The following NKTR variants were observed in gnomAD, a reference collection of about 807,000 sequenced individuals.
The protein encoded by NKTR is natural killer cell triggering receptor.
NKTR carries 67 observed loss-of-function variants against 156.3 expected under a neutral mutation model. The ratio of observed to expected loss-of-function variants is 0.43; its 90% CI spans 0.35 to 0.53. NKTR has a LOEUF of 0.53. Ranked by LOEUF, NKTR falls within the 20% of genes least tolerant of loss-of-function variation. The probability of loss-of-function intolerance (pLI) is 0.01; values close to 1 mark genes in which losing one functional copy is unlikely to be tolerated. For missense variants in NKTR, 1,604 were observed against 1,730.9 expected, an observed-to-expected ratio of 0.93 and a Z score of 1.30; for synonymous variants, 640 against 596.6, an observed-to-expected ratio of 1.07 and a Z score of -1.06.
chr3:42,613,980 G>C (rs1004801282), intron 2 of NKTR, among the ~76,000 whole-genome samples: 1 of 152,110 alleles, frequency 6.6e-6, no homozygotes, highest in Non-Finnish European at 1.5e-5. Context: ...TAATTCTGTG[G>C]ACGAAAACTA....
chr3:42,620,330 G>T, intron 5 of NKTR: 1 of 1,148,018 alleles, frequency 8.7e-7, no homozygotes, highest in East Asian at 4.3e-5. Context: ...AGGTTTGTAT[G>T]TTTTCTTTTG....
rs1709027878 is a variant in NKTR at position 42,632,661 on chromosome 3, C to T, written c.611C>T (p.Ser204Phe). 4 of 1,613,828 alleles carry T rather than the reference C, an allele frequency of 2.5e-6. No homozygotes were observed. Among genetic ancestry groups the T allele is most frequent in the Non-Finnish European group, 3.4e-6 (4 of 1,179,900 alleles). Reference protein sequence around the residue: ...HSEGSDSSSNSSSSSESSSES... With the variant: ...HSEGSDSSSNFSSSSESSSES... Reference sequence around the variant, plus strand: ...GAAGGCTCGGATTCCTCTTCCAATTCCTCCTCTTCTTCAGAATCATCTTCA... The same window carrying T: ...GAAGGCTCGGATTCCTCTTCCAATTTCTCCTCTTCTTCAGAATCATCTTCA... Residue 204 changes from serine to phenylalanine, a missense_variant, in exon 9 of 17, where the codon TCC (serine) becomes TTC (phenylalanine). Physicochemically the swap from Ser to Phe is radical, Grantham distance 155 (BLOSUM62 -2). Transcript: ENST00000232978.
chr3:42,634,641 A>G lies in NKTR; in HGVS notation c.958A>G (p.Ser320Gly). ...PKIPDVAPIV[S>G]DQKPSVSKSG... ...GATTCCTGATGTTGCACCCATTGTA[A>G]GTGATCAGAAACCATCTGTATCAAA... The change falls in exon 11 of 17, where the codon AGT (serine) becomes GGT (glycine). Residue 320 changes from serine to glycine, a missense_variant. By Grantham distance (56) the Ser-to-Gly change is moderately conservative. This residue lies in a region of NKTR where 1,255 missense variants were observed against 1,243.7 expected (regional missense o/e 1.01). Transcript: ENST00000232978. 6.2e-7 allele frequency: 1 copy of G among 1,601,306 alleles called. No individual in the cohort carries two copies. The highest frequency in any genetic ancestry group is 1.7e-5 in the Admixed American group (1 of 58,498).
Position 42,637,473 on chromosome 3 carries a change from C to A in NKTR, c.1769C>A (p.Ala590Glu), listed in dbSNP as rs1255540538. Reference sequence around the variant, plus strand: ...ACAGAACCTTTAAGAGCAACCATGGCACAAAATGAAAATGTAGTAGTACAA... The same window carrying A: ...ACAGAACCTTTAAGAGCAACCATGGAACAAAATGAAAATGTAGTAGTACAA... ...VKTEPLRATM[A>E]QNENVVVQPV... Residue 590 changes from alanine to glutamate, a missense_variant, in exon 13 of 17, where the codon GCA becomes GAA. Transcript: ENST00000232978. 3.7e-6 allele frequency: 6 copies of A among 1,613,192 alleles called. No homozygotes were observed. Among genetic ancestry groups the A allele is most frequent in the Non-Finnish European group, 5.1e-6 (6 of 1,179,788 alleles).
intron 2 of NKTR, among the ~76,000 whole-genome samples, chr3:42,604,458 T>C (rs2125757180): frequency 6.6e-6 from 1 of 152,086 alleles, no homozygotes; most frequent in Admixed American, 6.5e-5. Flanking sequence ...TTCCGTTCTT[T>C]GTGCACTTGA....
Position 42,646,347 on chromosome 3 carries a change from G to A in NKTR, c.*372G>A, listed in dbSNP as rs938074923. 2 of 207,608 alleles carry A rather than the reference G, an allele frequency of 9.6e-6. No individual in the cohort carries two copies. The highest frequency in any genetic ancestry group is 2.0e-5 in the Non-Finnish European group (2 of 100,194). The allele number at this position is 207,608 out of a possible 1,614,324, so 12.9% of individuals were successfully genotyped here. On this transcript the variant is annotated 3_prime_UTR_variant, in exon 17 of 17. Transcript: ENST00000232978. ...TTTTTCCAGTTTTAGCATATATGCT[G>A]CCAAGCATAGAACTGTGAAGGAGAA... is the stretch of plus-strand genomic sequence containing the variant.
intron 6 of NKTR, among the ~76,000 whole-genome samples, chr3:42,622,976 G>T (rs1208160678): frequency 6.6e-6 from 1 of 151,864 alleles, no homozygotes; most frequent in Non-Finnish European, 1.5e-5. Context: ...AGTAGCAGCA[G>T]CTTCTTGATA....
Position 42,621,491 on chromosome 3 carries a change from C to T in NKTR, c.349C>T (p.His117Tyr). 3 of 1,609,358 alleles carry T rather than the reference C, an allele frequency of 1.9e-6. No individual in the cohort carries two copies. Among genetic ancestry groups the T allele is most frequent in the Non-Finnish European group, 2.5e-6 (3 of 1,177,524 alleles). Reference protein sequence around the residue: ...FLLSMANRGKHTNGSQFFITT... With the variant: ...FLLSMANRGKYTNGSQFFITT... The stretch of plus-strand genomic sequence containing the variant: ...TTTATCAATGGCAAATCGAGGGAAA[C>T]ATACCAATGGTTCCCAGTTTTTCAT... Residue 117 changes from histidine to tyrosine, a missense_variant, in exon 6 of 17, where the codon CAT becomes TAT. By Grantham distance (83) the His-to-Tyr change is moderately conservative (BLOSUM62 2). Transcript: ENST00000232978.
intron 4 of NKTR, 89 bp from the exon 5 acceptor site, chr3:42,619,575 C>T (rs1707717974): frequency 3.2e-6 from 5 of 1,583,284 alleles, no homozygotes; most frequent in Non-Finnish European, 3.4e-6. Flanking sequence ...TCCAAGGTTT[C>T]CTTCAGCGAA....
rs758048967 is a variant in NKTR at position 42,638,976 on chromosome 3, T to C, written c.3272T>C (p.Ile1091Thr). 1 of 1,613,662 alleles carries C rather than the reference T, an allele frequency of 6.2e-7. No homozygotes were observed. The highest frequency in any genetic ancestry group is 2.2e-5 in the East Asian group (1 of 44,884). ...QFTKDDSKLS[I>T]SPTALNTEEN... ...ACTAAAGATGATAGTAAACTCAGTA[T>C]TTCTCCCACAGCTTTAAATACTGAG... is the stretch of plus-strand genomic sequence containing the variant. Residue 1091 changes from isoleucine (I) to threonine (T), a missense_variant, in exon 13 of 17, where the codon ATT becomes ACT. Ile to Thr is a moderately conservative substitution (Grantham distance 89, BLOSUM62 -1). Transcript: ENST00000232978.
chr3:42,633,782 T>G, intron 10 of NKTR, 47 bp downstream of exon 10: 9 of 1,607,616 alleles, frequency 5.6e-6, no homozygotes, highest in Non-Finnish European at 7.7e-6. Flanking sequence ...CCGATAACAC[T>G]GTTCCGTCAG....
Position 42,638,428 on chromosome 3 carries a change from CAAGG to C in NKTR, c.2728_2731del (p.Glu910LysfsTer83), listed in dbSNP as rs772793783. ...AAAATGACTCCCATCCATCCTCTGACAAGGAAGAAGGTGAGGCCACATCCGATTC... is the reference window on the plus strand; with the variant it reads ...AAAATGACTCCCATCCATCCTCTGACAAGAAGGTGAGGCCACATCCGATTC... On this transcript the variant is annotated frameshift_variant, in exon 13 of 17. Coordinates refer to ENST00000232978, the MANE Select transcript of NKTR (RefSeq NM_005385.4). LOFTEE classifies it high-confidence loss of function. 6.2e-7 allele frequency: 1 copy of C among 1,613,374 alleles called. No individual in the cohort carries two copies.
chr3:42,619,647 T>C lies in NKTR; in HGVS notation c.242-17T>C. ...TTTTAATGTTCATTATGGCTTAAAGTAGGTGATTATTTGCAGGTAATGGAA... is the reference window on the plus strand; with the variant it reads ...TTTTAATGTTCATTATGGCTTAAAGCAGGTGATTATTTGCAGGTAATGGAA... On this transcript the variant is annotated splice_polypyrimidine_tract_variant and intron_variant, in intron 4 of 16. Transcript: ENST00000232978. 6.2e-7 allele frequency: 1 copy of C among 1,604,684 alleles called. No individual in the cohort carries two copies. The highest frequency in any genetic ancestry group is 1.1e-5 in the South Asian group (1 of 90,542).
At position 42,633,545 on chromosome 3, in the gene NKTR, T is replaced by C; in HGVS notation, c.774-35T>C. 2 of 1,593,798 alleles carry C rather than the reference T, an allele frequency of 1.3e-6. 1 individual carries two copies. The highest frequency in any genetic ancestry group is 3.4e-4 in the Middle Eastern group (2 of 5,952). ...TGCTTTTATTATGAAATGCAAACAT[T>C]ATACATTTTAATCAGTGACTTGGTT... On this transcript the variant is annotated intron_variant, in intron 9 of 16. Transcript: ENST00000232978.
At chr3:42,612,801 G>A (rs1038216312) in intron 2 of NKTR, among the ~76,000 whole-genome samples, 1 of 151,846 alleles carries the variant, frequency 6.6e-6, no homozygotes, top group Admixed American at 6.6e-5. Context: ...TTTTCTTTGT[G>A]AACGATATGA....
At chr3:42,620,054 G>A (rs532881333) in intron 5 of NKTR, 15 of 1,534,258 alleles carry the variant, frequency 9.8e-6, no homozygotes, top group African/African-American at 2.7e-5. Flanking sequence ...GTAAGAGAAC[G>A]AAGCTCAGTA....
At chr3:42,634,956 G>A in intron 11 of NKTR, 1 of 439,900 alleles carries the variant, frequency 2.3e-6, no homozygotes, top group Non-Finnish European at 4.0e-6. Context: ...CTTTAAAAAG[G>A]AAAATTTTAT....
At position 42,642,585 on chromosome 3, in the gene NKTR, C is replaced by T. The variant is rs944250025; in HGVS notation, c.4131C>T (p.Tyr1377=). The part of the protein sequence containing the change: ...TRSRSSSYRS[Y]KSHRTSSRSR... ...GCCGGAGCAGTTCCTACCGGAGTTA[C>T]AAAAGTCACAGGTGAGCTTGTGATC... The change falls in exon 14 of 17, where the codon TAC becomes TAT. Residue 1377 remains tyrosine, a synonymous_variant. Transcript: ENST00000232978. The T allele has an allele frequency of 3.7e-6, 6 of 1,613,658 alleles. No individual in the cohort carries two copies. The African/African-American group carries it at 4.0e-5, about 11-fold the overall frequency.
At chr3:42,606,917 G>A (rs1706293877) in intron 2 of NKTR, among the ~76,000 whole-genome samples, 1 of 151,872 alleles carries the variant, frequency 6.6e-6, no homozygotes, top group African/African-American at 2.4e-5. Context: ...CTGGAGTACT[G>A]TGGCTATTCA....
Sources: gnomAD v4.1 joint callset for allele counts (sites outside exome capture counted in the v4.1 genomes callset) on GRCh38, gnomAD v4.1.1 for gene constraint, gnomAD v4.1.1 regional missense constraint, MANE v1.5 for transcripts, NCBI Gene and HGNC (gene_info 2026-07-23, HGNC 2026-07-21) for gene names.